The following ZHX3 variants were observed in gnomAD, a reference collection of about 807,000 sequenced individuals.
The protein encoded by ZHX3 is zinc fingers and homeoboxes 3.
ZHX3 carries 20 observed loss-of-function variants against 64.5 expected under a neutral mutation model. The ratio of observed to expected loss-of-function variants is 0.31; its 90% CI spans 0.22 to 0.45. The LOEUF is 0.45. Among genes scored for constraint, ZHX3 ranks in the 20% least tolerant of loss-of-function variants. ZHX3 has a pLI of 1.00. For synonymous variants in ZHX3, 423 were observed against 461.6 expected, an observed-to-expected ratio of 0.92 and a Z score of 1.07; for missense variants, 1,041 against 1,195.8, an observed-to-expected ratio of 0.87 and a Z score of 1.91.
At chr20:41,297,000 C>A (rs2044565302) in intron 1 of ZHX3, among the ~76,000 whole-genome samples, 1 of 152,190 alleles carries the variant, frequency 6.6e-6, no homozygotes, top group Non-Finnish European at 1.5e-5. Flanking sequence ...CCTGCACTAT[C>A]CCTTATGGTT....
At position 41,219,049 on chromosome 20, in the gene ZHX3, C is replaced by T. The variant is rs942278296; in HGVS notation, c.-150-13983G>A. On this transcript the variant is annotated intron_variant, in intron 2 of 3. Transcript: ENST00000683867. The surrounding 1 kb of genome is among the most constrained non-coding windows in gnomAD (Gnocchi z 5.0). ...GGTTCACGCCACTCTCCTGCCTCAGCCTCCCAAGTAGCTGGGACTACATGT... is the reference window on the plus strand; with the variant it reads ...GGTTCACGCCACTCTCCTGCCTCAGTCTCCCAAGTAGCTGGGACTACATGT... Among the ~76,000 whole-genome samples, 1 of 151,792 alleles carries T rather than the reference C, an allele frequency of 6.6e-6. No individual in the cohort carries two copies. The highest frequency in any genetic ancestry group is 2.4e-5 in the African/African-American group (1 of 41,290).
chr20:41,190,422 T>C (rs920851895), intron 3 of ZHX3, among the ~76,000 whole-genome samples: 6 of 152,174 alleles, frequency 3.9e-5, no homozygotes, highest in Admixed American at 2.6e-4. Flanking sequence ...CTGCCCACCT[T>C]GACCTCCCAA....
At chr20:41,300,385 C>CAG (rs139351067) in intron 1 of ZHX3, among the ~76,000 whole-genome samples, 125 of 152,276 alleles carry the variant, frequency 8.2e-4, no homozygotes, top group African/African-American at 2.8e-3. Flanking sequence ...TTCCAGCCTT[C>CAG]AGACCCAGTG....
intron 1 of ZHX3, among the ~76,000 whole-genome samples, chr20:41,297,672 G>A (rs949846240): frequency 6.6e-6 from 1 of 152,206 alleles, no homozygotes; most frequent in African/African-American, 2.4e-5. Flanking sequence ...CCAATTCCCA[G>A]AGCAAGTGAG....
At chr20:41,291,591 C>CTATA (rs11472099) in intron 1 of ZHX3, among the ~76,000 whole-genome samples, 69,825 of 150,830 alleles carry the variant, frequency 0.46, 18,418 homozygotes, top group African/African-American at 0.73. Context: ...TATATATATA[C>CTATA]TATATATTTT....
intron 2 of ZHX3, among the ~76,000 whole-genome samples, chr20:41,231,362 C>T (rs1476307548): frequency 6.6e-6 from 1 of 152,156 alleles, no homozygotes; most frequent in Non-Finnish European, 1.5e-5. Flanking sequence ...CCTGGTTGTA[C>T]TTGGTTTGCT....
chr20:41,199,928 T>A (rs530950159), intron 3 of ZHX3, among the ~76,000 whole-genome samples: 1 of 152,104 alleles, frequency 6.6e-6, no homozygotes, highest in African/African-American at 2.4e-5. Flanking sequence ...CTCAAACTCC[T>A]GACCTCAAGT....
Position 41,212,734 on chromosome 20 carries a change from T to G in ZHX3, c.-150-7668A>C, listed in dbSNP as rs918527788. Reference sequence around the variant, plus strand: ...ATTGCTTGAACCTGGGAGGCGGAGGTTGCAGTGAGCCAAGATCATGCCATT... The same window carrying G: ...ATTGCTTGAACCTGGGAGGCGGAGGGTGCAGTGAGCCAAGATCATGCCATT... On this transcript the variant is annotated intron_variant, in intron 2 of 3. Coordinates refer to ENST00000683867, the MANE Select transcript of ZHX3 (RefSeq NM_001384317.1). This position sits in a 1 kb window ranked among gnomAD's most constrained non-coding sequence, Gnocchi z 4.3. Among the ~76,000 whole-genome samples the G allele has an allele frequency of 4.0e-5, 6 of 149,608 alleles. No homozygotes were observed. The highest frequency in any genetic ancestry group is 7.4e-5 in the Non-Finnish European group (5 of 67,476).
At chr20:41,221,352 C>A (rs150398794) in intron 2 of ZHX3, among the ~76,000 whole-genome samples, 3 of 152,068 alleles carry the variant, frequency 2.0e-5, no homozygotes, top group Non-Finnish European at 2.9e-5. Flanking sequence ...GGATTTAATC[C>A]ACAGCACCAG....
chr20:41,202,764 G>C lies in ZHX3; in HGVS notation c.2153C>G (p.Ala718Gly). 3 of 1,614,088 alleles carry C rather than the reference G, an allele frequency of 1.9e-6. No individual in the cohort carries two copies. The highest frequency in any genetic ancestry group is 2.5e-6 in the Non-Finnish European group (3 of 1,180,032). ...SLEMPSSHIL[A>G]ERKVSPIKIN... ...TTTAATGGGGCTGACTTTGCGCTCTGCCAAGATATGGCTGCTGGGCATTTC... is the reference window on the plus strand; with the variant it reads ...TTTAATGGGGCTGACTTTGCGCTCTCCCAAGATATGGCTGCTGGGCATTTC... The change falls in exon 3 of 4, where the codon GCA becomes GGA. Residue 718 changes from alanine to glycine, a missense_variant. Physicochemically the swap from Ala to Gly is moderately conservative, Grantham distance 60. Transcript: ENST00000683867. The surrounding 1 kb of genome is among the most constrained non-coding windows in gnomAD (Gnocchi z 7.0).
chr20:41,213,373 G>C (rs192109007), intron 2 of ZHX3, among the ~76,000 whole-genome samples: 1 of 152,114 alleles, frequency 6.6e-6, no homozygotes, highest in Non-Finnish European at 1.5e-5. Flanking sequence ...TATAGAAGAG[G>C]GTCAGCATTT....
intron 1 of ZHX3, among the ~76,000 whole-genome samples, chr20:41,311,160 AAGTT>A (rs2045123932): frequency 1.3e-5 from 2 of 152,302 alleles, no homozygotes; most frequent in African/African-American, 4.8e-5. Context: ...AAAGAACACT[AAGTT>A]AGTTATTGTC....
chr20:41,234,215 A>G (rs929411750), intron 2 of ZHX3, among the ~76,000 whole-genome samples: 4 of 152,116 alleles, frequency 2.6e-5, no homozygotes, highest in Non-Finnish European at 5.9e-5. Flanking sequence ...TTCCTCCCCC[A>G]CAAAACTGTG....
chr20:41,308,764 T>C (rs1288541557), intron 1 of ZHX3, among the ~76,000 whole-genome samples: 1 of 152,210 alleles, frequency 6.6e-6, no homozygotes, highest in Non-Finnish European at 1.5e-5. Context: ...ACCAGTATCA[T>C]AATATTAAAT....
intron 2 of ZHX3, chr20:41,267,564 G>A (rs1313461369): frequency 6.6e-6 from 1 of 152,286 alleles, no homozygotes; most frequent in Admixed American, 6.5e-5. Context: ...AGGGAAGGCA[G>A]GGAGACAGCC....
At chr20:41,218,475 T>C (rs1334044296) in intron 2 of ZHX3, among the ~76,000 whole-genome samples, 2 of 151,404 alleles carry the variant, frequency 1.3e-5, no homozygotes, top group Non-Finnish European at 2.9e-5. Flanking sequence ...AAATAAATGG[T>C]AAAAAGGCTT....
At chr20:41,245,992 C>T (rs1277524756) in intron 2 of ZHX3, among the ~76,000 whole-genome samples, 1 of 152,218 alleles carries the variant, frequency 6.6e-6, no homozygotes, top group Non-Finnish European at 1.5e-5. Flanking sequence ...TCAAATGGAA[C>T]AGTACTTCCC....
chr20:41,188,783 C>T (rs1377885438), intron 3 of ZHX3, among the ~76,000 whole-genome samples: 4 of 152,134 alleles, frequency 2.6e-5, no homozygotes, highest in Non-Finnish European at 4.4e-5. Context: ...AATAGTTTTG[C>T]AAATATTTTC....
chr20:41,300,150 T>C (rs773285008), intron 1 of ZHX3: 1 of 152,188 alleles, frequency 6.6e-6, no homozygotes, highest in Admixed American at 6.5e-5. Context: ...GCAATTGTAA[T>C]GTCAAACCCA....
Sources: gnomAD v4.1 joint callset for allele counts (sites outside exome capture counted in the v4.1 genomes callset) on GRCh38, gnomAD v4.1.1 for gene constraint, Gnocchi (gnomAD v3.1) non-coding constraint, MANE v1.5 for transcripts, NCBI Gene and HGNC (gene_info 2026-07-23, HGNC 2026-07-21) for gene names.